The following PRLR variants were observed in gnomAD, a reference collection of about 807,000 sequenced individuals.
The protein encoded by PRLR is prolactin receptor.
PRLR carries 13 observed loss-of-function variants against 40.2 expected under a neutral mutation model. That is an observed-to-expected ratio of 0.32 (90% CI 0.21 to 0.51). The LOEUF (loss-of-function observed/expected upper bound fraction) is 0.51. PRLR is among the 20% of genes least tolerant of loss of function. The pLI is 0.97. For missense variants in PRLR, 656 were observed against 747.3 expected, an observed-to-expected ratio of 0.88 and a Z score of 1.42; for synonymous variants, 269 against 278.7, an observed-to-expected ratio of 0.97 and a Z score of 0.35.
chr5:35,159,328 A>G (rs969777422), intron 1 of PRLR, among the ~76,000 whole-genome samples: 4 of 151,944 alleles, frequency 2.6e-5, no homozygotes, highest in Non-Finnish European at 5.9e-5. Flanking sequence ...AGGAAAAAAA[A>G]AAAAAAAAAG....
At chr5:35,118,506 G>C (rs1470267596) in intron 1 of PRLR, among the ~76,000 whole-genome samples, 1 of 152,038 alleles carries the variant, frequency 6.6e-6, no homozygotes, top group Non-Finnish European at 1.5e-5. Flanking sequence ...TAAGAACAAG[G>C]ACAATTCTCC....
intron 1 of PRLR, among the ~76,000 whole-genome samples, chr5:35,225,616 A>C (rs1034491089): frequency 5.9e-5 from 9 of 152,246 alleles, no homozygotes; most frequent in Non-Finnish European, 1.3e-4. Flanking sequence ...ATTTTATTTA[A>C]ACTAGTATAC....
Position 35,177,149 on chromosome 5 carries a change from C to T in PRLR, c.-106+53119G>A, listed in dbSNP as rs991044959. On this transcript the variant is annotated intron_variant, in intron 1 of 9. Coordinates refer to ENST00000618457, the MANE Select transcript of PRLR (RefSeq NM_000949.7). Reference sequence around the variant, plus strand: ...ATTGTCTTGTGACCCTGACACCTCCCCCTCTTCGAGAAACACCCACGAATG... The same window carrying T: ...ATTGTCTTGTGACCCTGACACCTCCTCCTCTTCGAGAAACACCCACGAATG... Among the ~76,000 whole-genome samples the T allele has an allele frequency of 5.3e-5, 8 of 152,308 alleles. 1 individual carries two copies. Among genetic ancestry groups the T allele is most frequent in the African/African-American group, 1.7e-4 (7 of 41,558 alleles).
At position 35,064,982 on chromosome 5, in the gene PRLR, G is replaced by T. The variant is rs891803250; in HGVS notation, c.*107C>A. The T allele has an allele frequency of 1.6e-6, 2 of 1,262,574 alleles. No individual in the cohort carries two copies. The highest frequency in any genetic ancestry group is 2.2e-6 in the Non-Finnish European group (2 of 918,478). 78.2% of individuals were successfully genotyped at this position (1,262,574 alleles called of 1,614,324 possible). Reference sequence around the variant, plus strand: ...AAAAATGGAGCATGAAAGGAGCTGGGAGCTTTAGTAGTGTCAGTCTGACTA... The same window carrying T: ...AAAAATGGAGCATGAAAGGAGCTGGTAGCTTTAGTAGTGTCAGTCTGACTA... On this transcript the variant is annotated 3_prime_UTR_variant, in exon 10 of 10. Coordinates refer to ENST00000618457, the MANE Select transcript of PRLR (RefSeq NM_000949.7).
chr5:35,184,628 A>C (rs1775377972), intron 1 of PRLR, among the ~76,000 whole-genome samples: 1 of 152,206 alleles, frequency 6.6e-6, no homozygotes. Flanking sequence ...ATTGCACCAC[A>C]TGGACCCTCG....
At chr5:35,202,092 C>T (rs984339495) in intron 1 of PRLR, among the ~76,000 whole-genome samples, 1 of 152,216 alleles carries the variant, frequency 6.6e-6, no homozygotes, top group Non-Finnish European at 1.5e-5. Flanking sequence ...GGACAAGTTA[C>T]TCAAGTTCTT....
intron 3 of PRLR, among the ~76,000 whole-genome samples, chr5:35,086,618 G>A (rs1355520828): frequency 1.4e-4 from 21 of 151,762 alleles, no homozygotes; most frequent in Non-Finnish European, 2.9e-5. Context: ...GATAACAATA[G>A]CCTAGTGACC....
intron 1 of PRLR, among the ~76,000 whole-genome samples, chr5:35,205,583 T>G (rs1579801281): frequency 6.6e-6 from 1 of 152,178 alleles, no homozygotes; most frequent in Admixed American, 6.5e-5. Context: ...AAATTGGATG[T>G]TAGAAGACTG....
At chr5:35,224,709 T>A (rs1353474226) in intron 1 of PRLR, among the ~76,000 whole-genome samples, 1 of 107,282 alleles carries the variant, frequency 9.3e-6, no homozygotes, top group Non-Finnish European at 2.2e-5. Flanking sequence ...CTACAGGAAG[T>A]AAGGGAGAAA....
At chr5:35,105,395 T>G (rs1772169290) in intron 2 of PRLR, among the ~76,000 whole-genome samples, 1 of 152,164 alleles carries the variant, frequency 6.6e-6, no homozygotes, top group Admixed American at 6.5e-5. Flanking sequence ...TTGACAGAAG[T>G]AGGCTTCAGA....
chr5:35,209,301 G>A (rs1018463366), intron 1 of PRLR, among the ~76,000 whole-genome samples: 24 of 152,204 alleles, frequency 1.6e-4, no homozygotes, highest in African/African-American at 5.5e-4. Context: ...ATGCTGGACA[G>A]CTGGCATTTA....
intron 1 of PRLR, among the ~76,000 whole-genome samples, chr5:35,209,377 A>T (rs921995272): frequency 6.6e-6 from 1 of 152,178 alleles, no homozygotes; most frequent in African/African-American, 2.4e-5. Context: ...CCTTTCTTAG[A>T]TTTCACTTAT....
At chr5:35,171,049 GT>G (rs199742431) in intron 1 of PRLR, among the ~76,000 whole-genome samples, 17,224 of 136,230 alleles carry the variant, frequency 0.13, 1,210 homozygotes, top group African/African-American at 0.21. Flanking sequence ...GTTTTTCCCT[GT>G]TTTTTTTTTT....
chr5:35,125,365 G>A (rs1347201885), intron 1 of PRLR, among the ~76,000 whole-genome samples: 1 of 152,180 alleles, frequency 6.6e-6, no homozygotes, highest in African/African-American at 2.4e-5. Flanking sequence ...GGTCATGAGT[G>A]TAAATCCATC....
At chr5:35,213,693 C>T (rs1251046200) in intron 1 of PRLR, among the ~76,000 whole-genome samples, 2 of 152,304 alleles carry the variant, frequency 1.3e-5, no homozygotes, top group Non-Finnish European at 1.5e-5. Flanking sequence ...TGCAGCCACC[C>T]CAGACAAGTG....
intron 1 of PRLR, among the ~76,000 whole-genome samples, chr5:35,119,073 G>T (rs1399443404): frequency 6.6e-6 from 1 of 152,110 alleles, no homozygotes; most frequent in Non-Finnish European, 1.5e-5. Flanking sequence ...GGGATTATAG[G>T]TGTGAACCAC....
At position 35,066,067 on chromosome 5, in the gene PRLR, T is replaced by A. The variant is rs768400183; in HGVS notation, c.891A>T (p.Gly297=). The A allele has an allele frequency of 6.2e-7, 1 of 1,613,964 alleles. No individual in the cohort carries two copies. Among genetic ancestry groups the A allele is most frequent in the Non-Finnish European group, 8.5e-7 (1 of 1,180,016 alleles). Residue 297 remains glycine (G), a synonymous_variant, in exon 10 of 10, where the codon GGA becomes GGT. Transcript: ENST00000618457. ...CAGAAGTGGGAGGAAAGTCTTGGCA[T>A]CCCAAGGCACTCAGTAGTTCTTCAG... ...GKSEELLSAL[G]CQDFPPTSDY... is the part of the protein sequence containing the mutation.
intron 1 of PRLR, among the ~76,000 whole-genome samples, chr5:35,172,580 A>G (rs1050739111): frequency 2.0e-5 from 3 of 152,112 alleles, no homozygotes; most frequent in Non-Finnish European, 2.9e-5. Context: ...CTGACACTCA[A>G]TTCTCCTGTG....
At chr5:35,172,795 T>A (rs1276506471) in intron 1 of PRLR, among the ~76,000 whole-genome samples, 1 of 152,190 alleles carries the variant, frequency 6.6e-6, no homozygotes, top group East Asian at 1.9e-4. Context: ...TTACTGCCGA[T>A]GTACTTTGTC....
Sources: allele counts gnomAD v4.1 joint callset (sites outside exome capture counted in the v4.1 genomes callset), GRCh38; gene constraint gnomAD v4.1.1; transcripts MANE v1.5; gene names NCBI Gene and HGNC (gene_info 2026-07-23, HGNC 2026-07-21).